The following EFCC1 variants were observed in gnomAD, a reference collection of about 807,000 sequenced individuals.
The protein encoded by EFCC1 is EF-hand and coiled-coil domain containing 1.
A neutral mutation model predicts 52.1 loss-of-function variants in EFCC1; 50 were observed. The observed-to-expected ratio is 0.96, with a 90% CI of 0.76 to 1.21. The LOEUF is 1.21. Among genes scored for constraint, EFCC1 ranks in the 50% most tolerant of loss-of-function variants. The pLI, the probability that EFCC1 is intolerant of heterozygous loss-of-function variation, is 0.00. For synonymous variants in EFCC1, 399 were observed against 396.5 expected (o/e 1.01, Z -0.08); for missense variants, 837 against 867.3 (o/e 0.97, Z 0.44).
At chr3:129,030,512 G>T in intron 2 of EFCC1, 191 bp from the exon 3 acceptor site, 1 of 519,724 alleles carries the variant, frequency 1.9e-6, no homozygotes, top group East Asian at 3.6e-5. Context: ...GCTAAAACTG[G>T]GTTCCATGCC....
intron 5 of EFCC1, among the ~76,000 whole-genome samples, 187 bp from the exon 6 acceptor site, chr3:129,036,790 G>A (rs1454061959): frequency 6.6e-6 from 1 of 152,246 alleles, no homozygotes; most frequent in African/African-American, 2.4e-5. Context: ...AGGGAGAATG[G>A]AGTCCTTAGA....
intron 2 of EFCC1, among the ~76,000 whole-genome samples, chr3:129,027,831 G>A (rs1239638149): frequency 6.6e-6 from 1 of 152,026 alleles, no homozygotes; most frequent in Non-Finnish European, 1.5e-5. Context: ...GCGGGCGCCT[G>A]TAGTCCCAGC....
chr3:129,034,762 CA>C (rs1331111053), intron 5 of EFCC1, among the ~76,000 whole-genome samples: 1 of 152,180 alleles, frequency 6.6e-6, no homozygotes, highest in East Asian at 1.9e-4. Flanking sequence ...GAAGCCCTCA[CA>C]GGAAAATGAG....
chr3:129,016,779 G>C (rs1204753244), intron 2 of EFCC1, among the ~76,000 whole-genome samples: 2 of 152,126 alleles, frequency 1.3e-5, no homozygotes, highest in East Asian at 3.9e-4. Flanking sequence ...ACATTTTTGA[G>C]CACTCACTGG....
At chr3:129,034,110 G>A in intron 4 of EFCC1, 54 bp from the exon 5 acceptor site, 1 of 1,609,248 alleles carries the variant, frequency 6.2e-7, no homozygotes, top group Non-Finnish European at 8.5e-7. Context: ...AGGCTGGACA[G>A]AGCGGGCTCT....
At chr3:129,012,660 C>T (rs1333621490) in intron 2 of EFCC1, among the ~76,000 whole-genome samples, 2 of 152,168 alleles carry the variant, frequency 1.3e-5, no homozygotes, top group African/African-American at 2.4e-5. Flanking sequence ...CCAGGGCACA[C>T]GCTCAACCCT....
In EFCC1 at chr3:129,002,343, G is replaced by A. The variant is rs149977586; in HGVS notation, c.696+19G>A. 5 of 1,511,718 alleles carry A rather than the reference G, an allele frequency of 3.3e-6. No individual in the cohort carries two copies. The highest frequency in any genetic ancestry group is 4.4e-6 in the Non-Finnish European group (5 of 1,136,674). The allele number at this position is 1,511,718 out of a possible 1,614,324, so 93.6% of individuals were successfully genotyped here. ...ACTGCAGGTGCGCGCCGGCCACGAAGGGAGGGTGGTAACGCCCGGGAGAGG... is the reference window on the plus strand; with the variant it reads ...ACTGCAGGTGCGCGCCGGCCACGAAAGGAGGGTGGTAACGCCCGGGAGAGG... On this transcript the variant is annotated intron_variant, in intron 1 of 7. Transcript: ENST00000683648.
chr3:129,007,625 T>C (rs899974130), intron 2 of EFCC1, among the ~76,000 whole-genome samples: 1 of 152,240 alleles, frequency 6.6e-6, no homozygotes, highest in African/African-American at 2.4e-5. Context: ...TTATGTCGGA[T>C]GTTTCAAATA....
chr3:129,010,627 C>T lies in EFCC1; in HGVS notation c.980+6550C>T, dbSNP rs1336759193. 2.6e-5 allele frequency among the ~76,000 whole-genome samples: 4 copies of T among 152,038 alleles called. No individual in the cohort carries two copies. Among genetic ancestry groups the T allele is most frequent in the African/African-American group, 9.7e-5 (4 of 41,366 alleles). ...TTCTGCCCCATTGCTGCTGCCTGGC[C>T]TGACCTGGCAGCCTTTGGGTGGGCC... is the stretch of plus-strand genomic sequence containing the variant. On this transcript the variant is annotated intron_variant, in intron 2 of 7. Transcript: ENST00000683648. The surrounding 1 kb of genome is among the most constrained non-coding windows in gnomAD (Gnocchi z 4.3).
chr3:129,016,211 A>T (rs747789946), intron 2 of EFCC1, among the ~76,000 whole-genome samples: 1 of 152,168 alleles, frequency 6.6e-6, no homozygotes, highest in Non-Finnish European at 1.5e-5. Flanking sequence ...GTTGCTGTAC[A>T]GGTATTCTGC....
At chr3:129,027,780 C>T (rs183339892) in intron 2 of EFCC1, among the ~76,000 whole-genome samples, 2 of 152,092 alleles carry the variant, frequency 1.3e-5, no homozygotes, top group East Asian at 2.0e-4. Flanking sequence ...ACATGGAAAC[C>T]TCGACTCTAC....
At chr3:129,026,298 G>A (rs1221100531) in intron 2 of EFCC1, among the ~76,000 whole-genome samples, 1 of 152,200 alleles carries the variant, frequency 6.6e-6, no homozygotes, top group African/African-American at 2.4e-5. Context: ...ACAGGCCCCT[G>A]GGGGTAAAAG....
At chr3:129,039,149 G>A (rs1208007760) in intron 7 of EFCC1, among the ~76,000 whole-genome samples, 4 of 152,202 alleles carry the variant, frequency 2.6e-5, no homozygotes, top group Non-Finnish European at 2.9e-5. Context: ...AGCCACATGC[G>A]GGGGAGGTGC....
rs1178815674 is a variant in EFCC1 at position 129,004,035 on chromosome 3, A to C, written c.938A>C (p.Gln313Pro). The change falls in exon 2 of 8, where the codon CAG (glutamine) becomes CCG (proline). Residue 313 changes from glutamine (Q) to proline (P), a missense_variant. Gln to Pro is a moderately conservative substitution (Grantham distance 76, BLOSUM62 -1). Coordinates refer to ENST00000683648, the MANE Select transcript of EFCC1 (RefSeq NM_001377500.1). ...CTGGCGCAACAGGTGCCCGGCTTGCAGCGCTGGGTGCGGCGGCTGGAGGCG... is the reference window on the plus strand; with the variant it reads ...CTGGCGCAACAGGTGCCCGGCTTGCCGCGCTGGGTGCGGCGGCTGGAGGCG... ...EALAQQVPGL[Q>P]RWVRRLEAEL... 1.3e-6 allele frequency: 2 copies of C among 1,510,958 alleles called. No homozygotes were observed. Among genetic ancestry groups the C allele is most frequent in the East Asian group, 2.7e-5 (1 of 37,042 alleles). The allele number at this position is 1,510,958 out of a possible 1,614,324, so 93.6% of individuals were successfully genotyped here. A position where few individuals can be genotyped will look rare whatever the true frequency, so the allele number is the denominator to read the frequency against.
intron 4 of EFCC1, among the ~76,000 whole-genome samples, chr3:129,033,558 G>A (rs578161435): frequency 6.6e-6 from 1 of 152,298 alleles, no homozygotes; most frequent in Non-Finnish European, 1.5e-5. Context: ...CGCCGGTGGG[G>A]GCAACAGTTA....
Position 129,001,635 on chromosome 3 carries a change from C to G in EFCC1, c.7C>G (p.Pro3Ala), listed in dbSNP as rs971841621. The G allele has an allele frequency of 1.2e-5, 16 of 1,364,172 alleles. No individual in the cohort carries two copies. In the African/African-American group the frequency reaches 2.3e-4, roughly 20 times the overall value. The allele number at this position is 1,364,172 out of a possible 1,614,324, so 84.5% of individuals were successfully genotyped here. Reference protein sequence around the residue: MEPVSTGAEAGME... With the variant: MEAVSTGAEAGME... ...CGAGGCGCGCGGCGCAGCGATGGAGCCGGTCAGCACGGGCGCGGAGGCCGG... is the reference window on the plus strand; with the variant it reads ...CGAGGCGCGCGGCGCAGCGATGGAGGCGGTCAGCACGGGCGCGGAGGCCGG... The change falls in exon 1 of 8, where the codon CCG becomes GCG. Residue 3 changes from proline (P) to alanine (A), a missense_variant. Coordinates refer to ENST00000683648, the MANE Select transcript of EFCC1 (RefSeq NM_001377500.1).
chr3:129,012,463 T>G (rs776132677), intron 2 of EFCC1, among the ~76,000 whole-genome samples: 1 of 152,110 alleles, frequency 6.6e-6, no homozygotes. Context: ...CTGCTCCACA[T>G]AGCTGGGAAC....
Position 129,010,773 on chromosome 3 carries a change from G to A in EFCC1, c.980+6696G>A, listed in dbSNP as rs2107877922. Among the ~76,000 whole-genome samples the A allele has an allele frequency of 6.6e-6, 1 of 152,314 alleles. No homozygotes were observed. Among genetic ancestry groups the A allele is most frequent in the South Asian group, 2.1e-4 (1 of 4,828 alleles). ...ATCGTCCTTGGAGGTGGGTGTGTGGGTGGCCTTGGTGAGAAAAGAGGCCTT... is the reference window on the plus strand; with the variant it reads ...ATCGTCCTTGGAGGTGGGTGTGTGGATGGCCTTGGTGAGAAAAGAGGCCTT... On this transcript the variant is annotated intron_variant, in intron 2 of 7. Transcript: ENST00000683648. This position sits in a 1 kb window ranked among gnomAD's most constrained non-coding sequence, Gnocchi z 4.3.
chr3:129,039,794 G>C lies in EFCC1; in HGVS notation c.1746G>C (p.Ser582=), dbSNP rs758575246. The change falls in exon 8 of 8, where the codon TCG becomes TCC. Residue 582 remains serine (S), a synonymous_variant. Transcript: ENST00000683648. ...GCCAGCTGTTGCGGAGACAGCCCTCGGCACCAGCCTCTGCAGCAGCTGCGC... is the reference window on the plus strand; with the variant it reads ...GCCAGCTGTTGCGGAGACAGCCCTCCGCACCAGCCTCTGCAGCAGCTGCGC... ...AACQLLRRQP[S]APASAAAALT... is the part of the protein sequence containing the mutation. 8 of 1,611,924 alleles carry C rather than the reference G, an allele frequency of 5.0e-6. No individual in the cohort carries two copies. The highest frequency in any genetic ancestry group is 2.2e-5 in the East Asian group (1 of 44,748).
Sources: gnomAD v4.1 joint callset for allele counts (sites outside exome capture counted in the v4.1 genomes callset) on GRCh38, gnomAD v4.1.1 for gene constraint, Gnocchi (gnomAD v3.1) non-coding constraint, MANE v1.5 for transcripts, NCBI Gene and HGNC (gene_info 2026-07-23, HGNC 2026-07-21) for gene names.